The following EIF4EBP1 variants were observed in gnomAD, a reference collection of about 807,000 sequenced individuals.
EIF4EBP1 encodes eukaryotic translation initiation factor 4E binding protein 1.
A neutral mutation model predicts 9.2 loss-of-function variants in EIF4EBP1; 5 were observed. The ratio of observed to expected loss-of-function variants is 0.54; its 90% CI spans 0.28 to 1.14. EIF4EBP1 has a LOEUF of 1.14. EIF4EBP1 is among the 50% of genes most tolerant of loss of function. The pLI is 0.09. For synonymous variants in EIF4EBP1, 62 were observed against 67.0 expected, an observed-to-expected ratio of 0.93 and a Z score of 0.36; for missense variants, 139 against 169.6, an observed-to-expected ratio of 0.82 and a Z score of 1.00.
At chr8:38,036,515 A>G (rs1446614377) in intron 1 of EIF4EBP1, among the ~76,000 whole-genome samples, 1 of 152,172 alleles carries the variant, frequency 6.6e-6, no homozygotes, top group Non-Finnish European at 1.5e-5. Flanking sequence ...TAAAAGACCA[A>G]AAAAGTCCTT....
At chr8:38,052,936 G>T (rs1809544764) in intron 1 of EIF4EBP1, among the ~76,000 whole-genome samples, 1 of 152,186 alleles carries the variant, frequency 6.6e-6, no homozygotes, top group South Asian at 2.1e-4. Flanking sequence ...GGTAAAATTA[G>T]GATTCTTATT....
intron 1 of EIF4EBP1, among the ~76,000 whole-genome samples, chr8:38,044,295 G>A (rs1026268171): frequency 3.3e-5 from 5 of 152,186 alleles, no homozygotes; most frequent in Non-Finnish European, 5.9e-5. Context: ...CTATCCAGCC[G>A]CAGAGTATGG....
At chr8:38,054,301 A>C (rs939856295) in intron 1 of EIF4EBP1, among the ~76,000 whole-genome samples, 16 of 152,192 alleles carry the variant, frequency 1.1e-4, no homozygotes, top group African/African-American at 3.9e-4. Context: ...AAATACAAAA[A>C]TTAGCCGGGC....
At chr8:38,037,130 C>T (rs1010556824) in intron 1 of EIF4EBP1, among the ~76,000 whole-genome samples, 37 of 152,034 alleles carry the variant, frequency 2.4e-4, no homozygotes, top group African/African-American at 8.7e-4. Flanking sequence ...TGATTCATAG[C>T]GAATGAATCA....
chr8:38,045,860 T>G (rs1236632595), intron 1 of EIF4EBP1, among the ~76,000 whole-genome samples: 1 of 152,052 alleles, frequency 6.6e-6, no homozygotes, highest in Non-Finnish European at 1.5e-5. Flanking sequence ...TGCCTCAGCC[T>G]CCTAAGTAGC....
intron 1 of EIF4EBP1, among the ~76,000 whole-genome samples, chr8:38,036,364 T>G (rs1809303259): frequency 6.6e-6 from 1 of 151,848 alleles, no homozygotes; most frequent in Non-Finnish European, 1.5e-5. Flanking sequence ...CAAAAAAAAA[T>G]TAGCCGGGCC....
chr8:38,035,141 G>A (rs1809281218), intron 1 of EIF4EBP1, among the ~76,000 whole-genome samples: 2 of 152,144 alleles, frequency 1.3e-5, no homozygotes, highest in South Asian at 4.2e-4. Flanking sequence ...TCCACACTGT[G>A]TCCCTTATTA....
intron 1 of EIF4EBP1, among the ~76,000 whole-genome samples, chr8:38,036,663 TTTC>T (rs371241425): frequency 6.6e-6 from 1 of 150,720 alleles, no homozygotes; most frequent in Non-Finnish European, 1.5e-5. Context: ...AGCAATATTG[TTTC>T]TTCTTTTTTT....
rs3067026 is a variant in EIF4EBP1, at chr8:38,040,866, C to CTGTTGTTGTTGT, written c.145+10168_145+10179dup. ...ATTCAGGGAGAGGGGAAATACATGC[C>CTGTTGTTGTTGT]TGTTGTTGTTGTTGTTGTTGTTGTT... On this transcript the variant is annotated intron_variant, in intron 1 of 2. Transcript: ENST00000338825. 2.7e-3 allele frequency among the ~76,000 whole-genome samples: 402 copies of CTGTTGTTGTTGT among 151,572 alleles called. 2 individuals are homozygous for CTGTTGTTGTTGT. Among genetic ancestry groups the CTGTTGTTGTTGT allele is most frequent in the African/African-American group, 9.2e-3 (378 of 41,250 alleles).
At chr8:38,048,628 A>G (rs1363430889) in intron 1 of EIF4EBP1, among the ~76,000 whole-genome samples, 1 of 152,110 alleles carries the variant, frequency 6.6e-6, no homozygotes, top group Non-Finnish European at 1.5e-5. Context: ...GGTTCCCTGA[A>G]GCCCTAGTCT....
chr8:38,041,395 A>G (rs1213977771), intron 1 of EIF4EBP1, among the ~76,000 whole-genome samples: 1 of 152,142 alleles, frequency 6.6e-6, no homozygotes, highest in Non-Finnish European at 1.5e-5. Context: ...GATCCACCAC[A>G]CCTGGCAGGA....
At chr8:38,043,987 T>C (rs897580811) in intron 1 of EIF4EBP1, among the ~76,000 whole-genome samples, 1 of 152,104 alleles carries the variant, frequency 6.6e-6, no homozygotes, top group Non-Finnish European at 1.5e-5. Flanking sequence ...GATTCTGGCA[T>C]GTCGGCGTAT....
At chr8:38,037,876 T>A (rs184311214) in intron 1 of EIF4EBP1, among the ~76,000 whole-genome samples, 8 of 151,828 alleles carry the variant, frequency 5.3e-5, no homozygotes, top group Admixed American at 3.9e-4. Flanking sequence ...TGAGCTCAGG[T>A]GATCCTTTTG....
At chr8:38,042,084 C>A (rs1276931935) in intron 1 of EIF4EBP1, among the ~76,000 whole-genome samples, 2 of 152,136 alleles carry the variant, frequency 1.3e-5, no homozygotes, top group African/African-American at 4.8e-5. Context: ...CATTGCAGGC[C>A]ATCACCCAAA....
Position 38,030,580 on chromosome 8 carries a change from G to A in EIF4EBP1, c.7G>A (p.Gly3Arg). 6.6e-7 allele frequency: 1 copy of A among 1,515,098 alleles called. No homozygotes were observed. Among genetic ancestry groups the A allele is most frequent in the South Asian group, 1.2e-5 (1 of 82,118 alleles). 93.9% of individuals were successfully genotyped at this position (1,515,098 alleles called of 1,614,324 possible). ...GTGCAGCGCACAGGAGACCATGTCC[G>A]GGGGCAGCAGCTGCAGCCAGACCCC... MS[G>R]GSSCSQTPSR... is the part of the protein sequence containing the mutation. Residue 3 changes from glycine (G) to arginine (R), a missense_variant, in exon 1 of 3, where the codon GGG (glycine) becomes AGG (arginine). Coordinates refer to ENST00000338825, the MANE Select transcript of EIF4EBP1 (RefSeq NM_004095.4).
Position 38,030,668 on chromosome 8 carries a change from G to A in EIF4EBP1, c.95G>A (p.Gly32Glu). ...GGCGACGGCGTGCAGCTCCCGCCCG[G>A]GGACTACAGCACGACCCCCGGCGGC... ...VLGDGVQLPP[G>E]DYSTTPGGTL... The change falls in exon 1 of 3, where the codon GGG becomes GAG. Residue 32 changes from glycine (G) to glutamate (E), a missense_variant. By Grantham distance (98) the Gly-to-Glu change is moderately conservative. Coordinates refer to ENST00000338825, the MANE Select transcript of EIF4EBP1 (RefSeq NM_004095.4). The A allele has an allele frequency of 2.0e-6, 3 of 1,500,910 alleles. No individual in the cohort carries two copies. The highest frequency in any genetic ancestry group is 1.8e-6 in the Non-Finnish European group (2 of 1,131,118). 93.0% of individuals were successfully genotyped at this position (1,500,910 alleles called of 1,614,324 possible).
chr8:38,038,911 T>TTTC (rs1047945490), intron 1 of EIF4EBP1, among the ~76,000 whole-genome samples: 7 of 150,154 alleles, frequency 4.7e-5, no homozygotes, highest in African/African-American at 1.7e-4. Flanking sequence ...ATGAAATTTC[T>TTTC]TTCTTTTTTT....
chr8:38,059,925 TGGACATTTAAA>T lies in EIF4EBP1; in HGVS notation c.349_*2del. The T allele has an allele frequency of 6.2e-7, 1 of 1,614,240 alleles. No individual in the cohort carries two copies. The highest frequency in any genetic ancestry group is 2.2e-5 in the East Asian group (1 of 44,878). On this transcript the variant is annotated stop_lost and 3_prime_UTR_variant, in exon 3 of 3. Coordinates refer to ENST00000338825, the MANE Select transcript of EIF4EBP1 (RefSeq NM_004095.4). ...CCAGGTGAAGAGTCACAGTTTGAGA[TGGACATTTAAA>T]GCACCAGCCATCGTGTGGAGCACTA...
chr8:38,035,215 T>A (rs1809282419), intron 1 of EIF4EBP1, among the ~76,000 whole-genome samples: 1 of 151,722 alleles, frequency 6.6e-6, no homozygotes, highest in African/African-American at 2.4e-5. Context: ...CAGACTCCTT[T>A]TTATTATTAT....
Sources: gnomAD v4.1 joint callset for allele counts (sites outside exome capture counted in the v4.1 genomes callset) on GRCh38, gnomAD v4.1.1 for gene constraint, MANE v1.5 for transcripts, NCBI Gene and HGNC (gene_info 2026-07-23, HGNC 2026-07-21) for gene names.